The following AGBL4 variants were observed in gnomAD, a reference collection of about 807,000 sequenced individuals.
The protein encoded by AGBL4 is AGBL carboxypeptidase 4, also known as cytosolic carboxypeptidase 6.
AGBL4 carries 58 observed loss-of-function variants against 66.4 expected under a neutral mutation model. The observed-to-expected ratio is 0.87, with a 90% CI of 0.71 to 1.09. The LOEUF (loss-of-function observed/expected upper bound fraction) is 1.09, where lower values mean the gene tolerates loss of function less well. AGBL4 is among the 50% of genes least tolerant of loss of function. The pLI, the probability that AGBL4 is intolerant of heterozygous loss-of-function variation, is 0.00. For missense variants in AGBL4, 579 were observed against 631.0 expected (o/e 0.92, Z 0.88); for synonymous variants, 234 against 222.9 (o/e 1.05, Z -0.44).
chr1:49,408,265 A>C (rs775912503), intron 3 of AGBL4, among the ~76,000 whole-genome samples: 1 of 152,222 alleles, frequency 6.6e-6, no homozygotes, highest in Non-Finnish European at 1.5e-5. Flanking sequence ...AATAAGCAAG[A>C]AAGAAAAAAT....
chr1:49,828,866 C>G (rs1046517367), intron 2 of AGBL4, among the ~76,000 whole-genome samples: 3 of 151,926 alleles, frequency 2.0e-5, no homozygotes, highest in Non-Finnish European at 4.4e-5. Flanking sequence ...GTCAGGAGAT[C>G]AAGACCATCC....
chr1:49,465,261 A>ACACACG (rs1646605059), intron 3 of AGBL4, among the ~76,000 whole-genome samples: 2 of 144,686 alleles, frequency 1.4e-5, no homozygotes, highest in Non-Finnish European at 3.1e-5. Flanking sequence ...ACACACACAC[A>ACACACG]CGCAGACATG....
chr1:49,039,153 T>G (rs778085019), intron 5 of AGBL4, among the ~76,000 whole-genome samples: 2 of 152,004 alleles, frequency 1.3e-5, no homozygotes, highest in Non-Finnish European at 2.9e-5. Context: ...ATGGGGACAT[T>G]AAAAAGATCA....
intron 4 of AGBL4, among the ~76,000 whole-genome samples, chr1:49,139,739 G>A (rs1294492402): frequency 2.6e-5 from 4 of 152,114 alleles, no homozygotes; most frequent in Admixed American, 1.3e-4. Flanking sequence ...ATTATTATGA[G>A]GGCCAAATGA....
intron 2 of AGBL4, among the ~76,000 whole-genome samples, chr1:49,800,107 C>T (rs574719210): frequency 2.0e-5 from 3 of 152,294 alleles, no homozygotes; most frequent in East Asian, 1.9e-4. Context: ...CAGACAGTCT[C>T]TTAAGGTAGT....
At chr1:48,712,027 G>T (rs1192062827) in intron 6 of AGBL4, among the ~76,000 whole-genome samples, 1 of 151,834 alleles carries the variant, frequency 6.6e-6, no homozygotes, top group Non-Finnish European at 1.5e-5. Flanking sequence ...AGTCATACTC[G>T]CTCTGGCCCC....
intron 3 of AGBL4, among the ~76,000 whole-genome samples, chr1:49,346,024 G>A (rs188028263): frequency 1.7e-4 from 26 of 152,126 alleles, no homozygotes; most frequent in African/African-American, 4.8e-4. Flanking sequence ...ATGGAACTTC[G>A]TTCCATCAAA....
At chr1:48,593,740 G>A (rs1004410864) in intron 9 of AGBL4, among the ~76,000 whole-genome samples, 2 of 152,064 alleles carry the variant, frequency 1.3e-5, no homozygotes, top group Non-Finnish European at 2.9e-5. Context: ...GACAGTGCGA[G>A]ACTCCGTCTC....
At chr1:49,834,005 T>C (rs1645775496) in intron 2 of AGBL4, among the ~76,000 whole-genome samples, 1 of 152,206 alleles carries the variant, frequency 6.6e-6, no homozygotes, top group Non-Finnish European at 1.5e-5. Context: ...TTGAGGATTT[T>C]CGCATCGATG....
chr1:48,692,636 G>A (rs562483111), intron 6 of AGBL4, among the ~76,000 whole-genome samples: 2 of 152,310 alleles, frequency 1.3e-5, no homozygotes, highest in African/African-American at 4.8e-5. Flanking sequence ...TATTCAGCAG[G>A]TCAGGGCTTC....
intron 3 of AGBL4, among the ~76,000 whole-genome samples, chr1:49,594,213 G>T (rs182103906): frequency 1.3e-5 from 2 of 152,118 alleles, no homozygotes; most frequent in African/African-American, 2.4e-5. Context: ...TCAATTGTAC[G>T]AAAAACTAAT....
At chr1:49,009,361 G>A (rs28879142) in intron 5 of AGBL4, among the ~76,000 whole-genome samples, 15,359 of 151,328 alleles carry the variant, frequency 0.1, 1,205 homozygotes, top group African/African-American at 0.21. Context: ...ACCAATAACA[G>A]GAGCTGAAAT....
intron 3 of AGBL4, among the ~76,000 whole-genome samples, chr1:49,455,009 T>C (rs1037375879): frequency 1.3e-5 from 2 of 151,676 alleles, no homozygotes; most frequent in Non-Finnish European, 1.5e-5. Context: ...TAGTAGGTAA[T>C]ATTATTACTC....
At chr1:48,890,173 C>CA (rs1650801618) in intron 5 of AGBL4, among the ~76,000 whole-genome samples, 1 of 152,062 alleles carries the variant, frequency 6.6e-6, no homozygotes, top group Non-Finnish European at 1.5e-5. Context: ...CTCCTTTCAC[C>CA]CTGTCTCTCA....
At chr1:49,654,129 G>C (rs1377545541) in intron 3 of AGBL4, among the ~76,000 whole-genome samples, 3 of 152,122 alleles carry the variant, frequency 2.0e-5, no homozygotes, top group Non-Finnish European at 4.4e-5. Context: ...AGACCTCTTA[G>C]TGGAAACCCT....
chr1:48,925,884 G>T (rs1307576031), intron 5 of AGBL4, among the ~76,000 whole-genome samples: 1 of 152,072 alleles, frequency 6.6e-6, no homozygotes, highest in African/African-American at 2.4e-5. Context: ...TTTTTCTGAG[G>T]TCTACAAGAT....
chr1:49,291,400 T>C (rs1194524678), intron 3 of AGBL4, among the ~76,000 whole-genome samples: 1 of 152,188 alleles, frequency 6.6e-6, no homozygotes, highest in Non-Finnish European at 1.5e-5. Context: ...ATGTTTTTCA[T>C]GAGCATAGAC....
At chr1:49,330,278 A>T (rs1455219711) in intron 3 of AGBL4, among the ~76,000 whole-genome samples, 1 of 152,154 alleles carries the variant, frequency 6.6e-6, no homozygotes, top group Non-Finnish European at 1.5e-5. Context: ...TTAGCTGGGC[A>T]TAGTGGTGCA....
intron 3 of AGBL4, among the ~76,000 whole-genome samples, chr1:49,453,669 C>A (rs1646327769): frequency 6.6e-6 from 1 of 151,652 alleles, no homozygotes. Flanking sequence ...CTCAAATGTG[C>A]CCAATCAGAT....
Sources: gnomAD v4.1 joint callset for allele counts (sites outside exome capture counted in the v4.1 genomes callset) on GRCh38, gnomAD v4.1.1 for gene constraint, MANE v1.5 for transcripts, NCBI Gene and HGNC (gene_info 2026-07-23, HGNC 2026-07-21) for gene names.